The following MAN1A1 variants were observed in gnomAD, a reference collection of about 807,000 sequenced individuals.
MAN1A1 encodes the protein mannosidase alpha class 1A member 1.
Under a neutral mutation model 70.8 loss-of-function variants are expected in MAN1A1, and 29 were observed. The observed-to-expected ratio is 0.41, with a 90% CI of 0.31 to 0.56. MAN1A1 has a LOEUF of 0.56. MAN1A1 is among the 20% of genes least tolerant of loss of function. MAN1A1 has a pLI of 0.29. For missense variants in MAN1A1, 747 were observed against 841.3 expected (o/e 0.89, Z 1.39); for synonymous variants, 349 against 330.1 (o/e 1.06, Z -0.62).
chr6:119,220,012 A>T (rs1774315182), intron 6 of MAN1A1, among the ~76,000 whole-genome samples: 1 of 152,094 alleles, frequency 6.6e-6, no homozygotes, highest in African/African-American at 2.4e-5. Context: ...ATCATCATTT[A>T]AAAAATCCAT....
intron 5 of MAN1A1, among the ~76,000 whole-genome samples, chr6:119,276,528 T>C (rs1776071536): frequency 6.6e-6 from 1 of 152,214 alleles, no homozygotes; most frequent in African/African-American, 2.4e-5. Flanking sequence ...CATTCAGGGC[T>C]CAATTCTAAA....
chr6:119,245,000 G>A (rs1456819659), intron 6 of MAN1A1, among the ~76,000 whole-genome samples: 2 of 152,104 alleles, frequency 1.3e-5, no homozygotes, highest in Non-Finnish European at 2.9e-5. Context: ...GCAATAACCA[G>A]AATACCAGAG....
chr6:119,188,676 T>A, intron 10 of MAN1A1, 99 bp from the exon 11 acceptor site: 1 of 1,081,790 alleles, frequency 9.2e-7, no homozygotes, highest in Non-Finnish European at 1.3e-6. Flanking sequence ...TCCCTCAGTA[T>A]CTATGAGGGA....
At chr6:119,312,958 C>T (rs964286729) in intron 2 of MAN1A1, among the ~76,000 whole-genome samples, 1 of 152,112 alleles carries the variant, frequency 6.6e-6, no homozygotes, top group African/African-American at 2.4e-5. Context: ...TGACAGGGCA[C>T]CTGACTAGAA....
chr6:119,189,697 C>T lies in MAN1A1; in HGVS notation c.1513G>A (p.Ala505Thr), dbSNP rs766457235. The change falls in exon 10 of 13, where the codon GCC becomes ACC. Residue 505 changes from alanine (A) to threonine (T), a missense_variant. Around this residue, in one of 2 missense-constraint regions of MAN1A1, gnomAD observed 419 missense variants for 548.2 expected, o/e 0.76. Transcript: ENST00000368468. ...TTATATGATTCATGACAAGTACGGG[C>T]AATTTCAGCCCCGAGTTCAAGGTAG... is the stretch of plus-strand genomic sequence containing the variant. Reference protein sequence around the residue: ...QHYLELGAEIARTCHESYNRT... With the variant: ...QHYLELGAEITRTCHESYNRT... 3.1e-6 allele frequency: 5 copies of T among 1,613,918 alleles called. No homozygotes were observed. Among genetic ancestry groups the T allele is most frequent in the Non-Finnish European group, 8.5e-7 (1 of 1,179,996 alleles).
intron 6 of MAN1A1, among the ~76,000 whole-genome samples, chr6:119,215,550 G>A (rs767318139): frequency 3.9e-5 from 6 of 152,186 alleles, no homozygotes; most frequent in Non-Finnish European, 7.3e-5. Flanking sequence ...GATCTGGTGT[G>A]AAATGAACTG....
At chr6:119,191,200 C>T (rs190552391) in intron 9 of MAN1A1, among the ~76,000 whole-genome samples, 153 of 152,126 alleles carry the variant, frequency 1.0e-3, no homozygotes, top group African/African-American at 3.6e-3. Flanking sequence ...TTATTTTATG[C>T]GACTGAACAT....
chr6:119,308,066 G>A (rs1329271937), intron 2 of MAN1A1, among the ~76,000 whole-genome samples: 1 of 152,112 alleles, frequency 6.6e-6, no homozygotes, highest in Non-Finnish European at 1.5e-5. Flanking sequence ...TAAGTACTCT[G>A]CTAAATGCTA....
At chr6:119,201,085 G>C (rs116964802) in intron 8 of MAN1A1, among the ~76,000 whole-genome samples, 169 bp downstream of exon 8, 1,895 of 152,256 alleles carry the variant, frequency 0.012, 18 homozygotes, top group Non-Finnish European at 0.02. Context: ...ACACAATCCA[G>C]TGTCCTAATA....
intron 8 of MAN1A1, among the ~76,000 whole-genome samples, chr6:119,197,694 C>T (rs1280393832): frequency 1.3e-5 from 2 of 152,060 alleles, no homozygotes; most frequent in Non-Finnish European, 2.9e-5. Context: ...GCCAAGCAGG[C>T]CTCGATTGAA....
At chr6:119,241,946 GTA>G (rs368927876) in intron 6 of MAN1A1, among the ~76,000 whole-genome samples, 70 of 5,920 alleles carry the variant, frequency 0.012, no homozygotes, top group South Asian at 0.035. Flanking sequence ...GTGTGTGTAT[GTA>G]TGTGTGTGTG....
intron 6 of MAN1A1, among the ~76,000 whole-genome samples, chr6:119,238,709 A>C (rs2114301081): frequency 6.6e-6 from 1 of 152,326 alleles, no homozygotes; most frequent in East Asian, 1.9e-4. Context: ...TAGCATCTTA[A>C]GATTATTCAA....
chr6:119,257,676 C>T (rs1336388392), intron 5 of MAN1A1, among the ~76,000 whole-genome samples: 1 of 152,032 alleles, frequency 6.6e-6, no homozygotes, highest in Non-Finnish European at 1.5e-5. Context: ...AGTTACATGT[C>T]CTTCTAATAT....
chr6:119,342,604 G>C (rs1582819331), intron 2 of MAN1A1, among the ~76,000 whole-genome samples: 1 of 152,222 alleles, frequency 6.6e-6, no homozygotes, highest in East Asian at 1.9e-4. Flanking sequence ...TCTGAGTCCA[G>C]ATCCACCCTT....
intron 2 of MAN1A1, among the ~76,000 whole-genome samples, chr6:119,336,338 G>T (rs1773449970): frequency 6.6e-6 from 1 of 152,162 alleles, no homozygotes; most frequent in African/African-American, 2.4e-5. Context: ...AAAGTGCTGG[G>T]ATTACAGGTG....
intron 5 of MAN1A1, among the ~76,000 whole-genome samples, chr6:119,256,854 C>T (rs775668703): frequency 6.6e-6 from 1 of 152,098 alleles, no homozygotes; most frequent in African/African-American, 2.4e-5. Context: ...TATTTACCAA[C>T]GTGGTAAGGG....
chr6:119,278,736 T>C (rs1004619159), intron 5 of MAN1A1, among the ~76,000 whole-genome samples: 1 of 152,144 alleles, frequency 6.6e-6, no homozygotes, highest in African/African-American at 2.4e-5. Flanking sequence ...AATGGCTTGG[T>C]GGCGTTCCCT....
chr6:119,327,851 T>C (rs1394147654), intron 2 of MAN1A1, among the ~76,000 whole-genome samples: 1 of 152,036 alleles, frequency 6.6e-6, no homozygotes, highest in Non-Finnish European at 1.5e-5. Flanking sequence ...GAAAAGAAAA[T>C]GAAGGGAGCA....
intron 5 of MAN1A1, among the ~76,000 whole-genome samples, chr6:119,274,788 G>T (rs1022098466): frequency 3.3e-5 from 5 of 152,042 alleles, no homozygotes; most frequent in Admixed American, 6.6e-5. Flanking sequence ...TATATATATT[G>T]AAAGTTTTTG....
Sources: gnomAD v4.1 joint callset for allele counts (sites outside exome capture counted in the v4.1 genomes callset) on GRCh38, gnomAD v4.1.1 for gene constraint, gnomAD v4.1.1 regional missense constraint, MANE v1.5 for transcripts, NCBI Gene and HGNC (gene_info 2026-07-23, HGNC 2026-07-21) for gene names.